Variants in FKBP15 observed in about 807,000 individuals in gnomAD.
FKBP15 encodes FKBP prolyl isomerase family member 15.
A neutral mutation model predicts 158.1 loss-of-function variants in FKBP15; 106 were observed. That is an observed-to-expected ratio of 0.67 (90% CI 0.57 to 0.79). The LOEUF is 0.79. Ranked by LOEUF, FKBP15 falls within the 30% of genes least tolerant of loss-of-function variation. FKBP15 has a pLI of 0.00. For missense variants in FKBP15, 1,287 were observed against 1,479.1 expected (o/e 0.87, Z 2.13); for synonymous variants, 547 against 548.6 (o/e 1.00, Z 0.04).
rs1429637468 is a variant in FKBP15, at chr9:113,161,342, C to A, written c.*4736G>T. ...TCCTGATCTCAAAGCCACACTCCAG[C>A]TAAGAAAAGTCTGGTGAAGACAGTG... On this transcript the variant is annotated 3_prime_UTR_variant, in exon 28 of 28. Transcript: ENST00000238256. The A allele has an allele frequency of 7.6e-6, 5 of 658,028 alleles. No homozygotes were observed. In the East Asian group the frequency reaches 1.3e-4, roughly 18 times the overall value. The allele number at this position is 658,028 out of a possible 1,614,324, so 40.8% of individuals were successfully genotyped here.
chr9:113,219,836 A>C (rs4979223), intron 1 of FKBP15, among the ~76,000 whole-genome samples: 76,188 of 152,018 alleles, frequency 0.5, 19,408 homozygotes, highest in South Asian at 0.6. Flanking sequence ...AAAAAGGAAC[A>C]AAAGCACAGC....
At chr9:113,166,235 A>G in intron 27 of FKBP15, 80 bp from the exon 28 acceptor site, 1 of 1,285,792 alleles carries the variant, frequency 7.8e-7, no homozygotes, top group Middle Eastern at 2.0e-4. Flanking sequence ...GAAGCAATCC[A>G]ACTTCTGTTC....
In FKBP15 at chr9:113,162,059, C is replaced by T; in HGVS notation, c.*4019G>A. 2.7e-6 allele frequency: 1 copy of T among 367,234 alleles called. No homozygotes were observed. Among genetic ancestry groups the T allele is most frequent in the Non-Finnish European group, 5.1e-6 (1 of 194,262 alleles). The allele number at this position is 367,234 out of a possible 1,614,324, so 22.7% of individuals were successfully genotyped here. Reference sequence around the variant, plus strand: ...TATCCAGGAGGGGATCTGCAGCTGTCCTGAAGCAATGTATCCCACTTGGTG... The same window carrying T: ...TATCCAGGAGGGGATCTGCAGCTGTTCTGAAGCAATGTATCCCACTTGGTG... On this transcript the variant is annotated 3_prime_UTR_variant, in exon 28 of 28. Transcript: ENST00000238256.
At chr9:113,196,528 C>T (rs1382398252) in intron 9 of FKBP15, among the ~76,000 whole-genome samples, 2 of 151,930 alleles carry the variant, frequency 1.3e-5, no homozygotes, top group Non-Finnish European at 2.9e-5. Flanking sequence ...GGACTACAGG[C>T]GCATGCCACC....
chr9:113,207,316 C>T lies in FKBP15; in HGVS notation c.170-20G>A, dbSNP rs996658276. The T allele has an allele frequency of 4.5e-6, 7 of 1,554,318 alleles. No individual in the cohort carries two copies. In the African/African-American group the frequency reaches 9.7e-5, roughly 22 times the overall value. On this transcript the variant is annotated intron_variant, in intron 2 of 27. Transcript: ENST00000238256. ...GATTTCCTGAAGATGAACAAGAAAA[C>T]AAAGTTGTCATTCACTTCTTGCTTT...
intron 20 of FKBP15, among the ~76,000 whole-genome samples, chr9:113,176,906 G>A (rs570427190): frequency 2.8e-4 from 42 of 152,168 alleles, no homozygotes; most frequent in East Asian, 1.2e-3. Context: ...GAGCCCCTGC[G>A]CCTGGCCCCA....
Position 113,213,001 on chromosome 9 carries a change from A to AC in FKBP15, c.54-1410dup, listed in dbSNP as rs1831041910. Among the ~76,000 whole-genome samples the AC allele has an allele frequency of 2.0e-5, 3 of 152,276 alleles. No homozygotes were observed. The South Asian group carries it at 6.2e-4, about 32-fold the overall frequency. Reference sequence around the variant, plus strand: ...CCTGTTCTTCCTTTTGTGCTCCAAGACCACTGCCAGGTTCAAGGATTCTAG... The same window carrying AC: ...CCTGTTCTTCCTTTTGTGCTCCAAGACCCACTGCCAGGTTCAAGGATTCTAG... On this transcript the variant is annotated intron_variant, in intron 1 of 27. Coordinates refer to ENST00000238256, the MANE Select transcript of FKBP15 (RefSeq NM_015258.2).
chr9:113,215,644 A>ATTTTTTTTTTT (rs1285341545), intron 1 of FKBP15, among the ~76,000 whole-genome samples: 7 of 61,584 alleles, frequency 1.1e-4, no homozygotes, highest in South Asian at 7.7e-4. Context: ...ATATATATAT[A>ATTTTTTTTTTT]TTTTTTTTTT....
In FKBP15 at chr9:113,161,780, A is replaced by C. The variant is rs779605443; in HGVS notation, c.*4298T>G. On this transcript the variant is annotated 3_prime_UTR_variant, in exon 28 of 28. Coordinates refer to ENST00000238256, the MANE Select transcript of FKBP15 (RefSeq NM_015258.2). ...GGCTGGCCCAGACAGCATTAGCCCC[A>C]CTTCACAGAGAGGACAGCGAGGCCC... The C allele has an allele frequency of 2.0e-6, 3 of 1,478,180 alleles. No homozygotes were observed. Among genetic ancestry groups the C allele is most frequent in the South Asian group, 2.3e-5 (2 of 87,902 alleles). The allele number at this position is 1,478,180 out of a possible 1,614,324, so 91.6% of individuals were successfully genotyped here.
In FKBP15 at chr9:113,193,547, T is replaced by C. The variant is rs1460120357; in HGVS notation, c.1010A>G (p.Glu337Gly). The C allele has an allele frequency of 6.3e-7, 1 of 1,597,054 alleles. No individual in the cohort carries two copies. Among genetic ancestry groups the C allele is most frequent in the Admixed American group, 1.7e-5 (1 of 57,538 alleles). ...GTTAGATTTGGTACGAAGAGCTGGC[T>C]CCCTGAAAGCAAATAGACCATATTC... is the stretch of plus-strand genomic sequence containing the variant. The part of the protein sequence containing the change: ...PPTSIPFKSG[E>G]PALRTKSNSL... The change falls in exon 11 of 28, where the codon GAG becomes GGG. Residue 337 changes from glutamate to glycine, a missense_variant and splice_region_variant. Transcript: ENST00000238256.
In FKBP15 at chr9:113,211,394, G is replaced by A. The variant is rs1831000057; in HGVS notation, c.169+83C>T. 26 of 1,052,340 alleles carry A rather than the reference G, an allele frequency of 2.5e-5. No homozygotes were observed. In the South Asian group the frequency reaches 3.9e-4, roughly 16 times the overall value. 65.2% of individuals were successfully genotyped at this position (1,052,340 alleles called of 1,614,324 possible). A position where few individuals can be genotyped will look rare whatever the true frequency, so the allele number is the denominator to read the frequency against. Reference sequence around the variant, plus strand: ...GGCTGGTCTCAAACTCCTGACCTCAGGTGATCCACCGGCCTCGGCCTCCCA... The same window carrying A: ...GGCTGGTCTCAAACTCCTGACCTCAAGTGATCCACCGGCCTCGGCCTCCCA... On this transcript the variant is annotated intron_variant, in intron 2 of 27. Coordinates refer to ENST00000238256, the MANE Select transcript of FKBP15 (RefSeq NM_015258.2).
At position 113,186,340 on chromosome 9, in the gene FKBP15, G is replaced by T; in HGVS notation, c.1407C>A (p.Tyr469Ter). ...SFQPYAGMQA[Y>*]AYPQASAVTS... The stretch of plus-strand genomic sequence containing the variant: ...TGACGGCAGATGCCTGGGGATAAGC[G>T]TAGGCTTGCATACCTGCATAGGGCT... Residue 469 changes from tyrosine (Y) to a stop codon, truncating the protein, a stop_gained, in exon 15 of 28, where the codon TAC becomes TAA. Transcript: ENST00000238256. LOFTEE classifies it high-confidence loss of function. 1 of 1,565,590 alleles carries T rather than the reference G, an allele frequency of 6.4e-7. No individual in the cohort carries two copies. Among genetic ancestry groups the T allele is most frequent in the African/African-American group, 1.4e-5 (1 of 73,928 alleles).
Position 113,190,550 on chromosome 9 carries a change from A to C in FKBP15, c.1094T>G (p.Ile365Ser). The C allele has an allele frequency of 1.2e-6, 2 of 1,611,672 alleles. No homozygotes were observed. Among genetic ancestry groups the C allele is most frequent in the Non-Finnish European group, 1.7e-6 (2 of 1,178,910 alleles). The change falls in exon 12 of 28, where the codon ATC becomes AGC. Residue 365 changes from isoleucine (I) to serine (S), a missense_variant. Transcript: ENST00000238256. ...CTGGCCCATTTTAGCCATCCGAGAGATCAACTTGGCTTTGACTGCATCGGG... is the reference window on the plus strand; with the variant it reads ...CTGGCCCATTTTAGCCATCCGAGAGCTCAACTTGGCTTTGACTGCATCGGG... ...TSPDAVKAKL[I>S]SRMAKMGQPM...
chr9:113,214,963 C>T (rs1053790833), intron 1 of FKBP15, among the ~76,000 whole-genome samples: 3 of 152,228 alleles, frequency 2.0e-5, no homozygotes, highest in Non-Finnish European at 2.9e-5. Flanking sequence ...CTCGCTCAGC[C>T]TTCACAGAAT....
rs780312351 is a variant in FKBP15 at position 113,173,599 on chromosome 9, A to C, written c.2386T>G (p.Leu796Val). 6.2e-7 allele frequency: 1 copy of C among 1,613,554 alleles called. No homozygotes were observed. Among genetic ancestry groups the C allele is most frequent in the South Asian group, 1.1e-5 (1 of 91,058 alleles). The stretch of plus-strand genomic sequence containing the variant: ...TGGGTCTGTAGCTCAGCCTGTACTA[A>C]AGACAGCTGCCAAGAGAAAGTAATG... ...TDQAAAEQLSLVQAELQTQWE... is the reference protein window; with the variant it reads ...TDQAAAEQLSVVQAELQTQWE... The change falls in exon 23 of 28, where the codon TTA becomes GTA. Residue 796 changes from leucine to valine, a missense_variant. Leu to Val is a conservative substitution (Grantham distance 32, BLOSUM62 1). Coordinates refer to ENST00000238256, the MANE Select transcript of FKBP15 (RefSeq NM_015258.2).
At chr9:113,212,290 G>C (rs1831023422) in intron 1 of FKBP15, among the ~76,000 whole-genome samples, 3 of 152,134 alleles carry the variant, frequency 2.0e-5, no homozygotes, top group Non-Finnish European at 4.4e-5. Flanking sequence ...CCAGGTTCAA[G>C]TGATTCTCCT....
rs1830450397 is a variant in FKBP15, at chr9:113,184,358, A to G, written c.1650T>C (p.Leu550=). The G allele has an allele frequency of 6.2e-7, 1 of 1,607,652 alleles. No individual in the cohort carries two copies. Among genetic ancestry groups the G allele is most frequent in the Admixed American group, 1.7e-5 (1 of 59,188 alleles). Residue 550 remains leucine (L), a synonymous_variant, in exon 17 of 28, where the codon CTT becomes CTC. Coordinates refer to ENST00000238256, the MANE Select transcript of FKBP15 (RefSeq NM_015258.2). The surrounding 1 kb of genome is among the most constrained non-coding windows in gnomAD (Gnocchi z 4.5). ...LQKHSAGNSM[L]IPSMSVTMET... ...CCATTGTAACTGACATGCTAGGAAT[A>G]AGCATGGAATTGCCAGCACTATGTT...
rs745536512 is a variant in FKBP15, at chr9:113,161,522, G to A, written c.*4556C>T. The A allele has an allele frequency of 1.3e-5, 21 of 1,613,822 alleles. No individual in the cohort carries two copies. The highest frequency in any genetic ancestry group is 3.3e-5 in the Admixed American group (2 of 60,000). On this transcript the variant is annotated 3_prime_UTR_variant, in exon 28 of 28. Coordinates refer to ENST00000238256, the MANE Select transcript of FKBP15 (RefSeq NM_015258.2). ...CTCCTTTGACAGGCATGGCCCTTTC[G>A]GTGTTGGTGCTCCTGCTTCTGGCTG...
At chr9:113,186,640 G>C (rs1260508044) in intron 14 of FKBP15, 2 of 330,030 alleles carry the variant, frequency 6.1e-6, no homozygotes, top group Non-Finnish European at 5.7e-6. Flanking sequence ...TAATTAAGCA[G>C]GGATTCATTC....
Sources: allele counts gnomAD v4.1 joint callset (sites outside exome capture counted in the v4.1 genomes callset), GRCh38; gene constraint gnomAD v4.1.1; non-coding constraint Gnocchi (gnomAD v3.1); transcripts MANE v1.5; gene names NCBI Gene and HGNC (gene_info 2026-07-23, HGNC 2026-07-21).